Variants in FAM193A observed in about 807,000 individuals in gnomAD.
FAM193A encodes protein FAM193A.
In FAM193A, 22 loss-of-function variants were observed where a neutral mutation model predicts 126.5. That is an observed-to-expected ratio of 0.17 (90% CI 0.12 to 0.25). The LOEUF (loss-of-function observed/expected upper bound fraction) is 0.25, where lower values mean the gene tolerates loss of function less well. Ranked by LOEUF, FAM193A falls within the 10% of genes least tolerant of loss-of-function variation. The pLI, the probability that FAM193A is intolerant of heterozygous loss-of-function variation, is 1.00. For missense variants in FAM193A, 1,675 were observed against 1,672.8 expected (o/e 1.00, Z -0.02); for synonymous variants, 761 against 646.8 (o/e 1.18, Z -2.68).
rs918480675 is a variant in FAM193A at position 2,596,216 on chromosome 4, C to G, written c.388C>G (p.Leu130Val). The G allele has an allele frequency of 3.8e-5, 27 of 702,898 alleles. No individual in the cohort carries two copies. In the African/African-American group the frequency reaches 4.7e-4, roughly 12 times the overall value. 43.5% of individuals were successfully genotyped at this position (702,898 alleles called of 1,614,324 possible). ...AATTAAGACTGCGAGCAAATTGGCCCTTTCCATGGCTCCCAAGGGCAACAG... is the reference window on the plus strand; with the variant it reads ...AATTAAGACTGCGAGCAAATTGGCCGTTTCCATGGCTCCCAAGGGCAACAG... ...SGIKTASKLA[L>V]SMAPKGNSVL... Residue 130 changes from leucine (L) to valine (V), a missense_variant, in exon 2 of 21, where the codon CTT becomes GTT. Coordinates refer to ENST00000637812, the MANE Select transcript of FAM193A (RefSeq NM_001366318.2).
chr4:2,554,921 A>G (rs1255448686), intron 1 of FAM193A, among the ~76,000 whole-genome samples: 1 of 152,032 alleles, frequency 6.6e-6, no homozygotes, highest in Non-Finnish European at 1.5e-5. Context: ...TTGGCATGTT[A>G]TATTTTTTCT....
chr4:2,558,407 G>C (rs778491082), intron 1 of FAM193A, among the ~76,000 whole-genome samples: 1 of 152,188 alleles, frequency 6.6e-6, no homozygotes, highest in Non-Finnish European at 1.5e-5. Flanking sequence ...ACTAGTTAGA[G>C]TACAGTCCCT....
At chr4:2,618,571 G>A (rs1248305677) in intron 2 of FAM193A, among the ~76,000 whole-genome samples, 1 of 147,382 alleles carries the variant, frequency 6.8e-6, no homozygotes. Context: ...GGGATTATAG[G>A]TGCCCGCCAC....
At chr4:2,621,069 G>C (rs767361651) in intron 2 of FAM193A, among the ~76,000 whole-genome samples, 5 of 152,024 alleles carry the variant, frequency 3.3e-5, no homozygotes, top group Non-Finnish European at 7.4e-5. Flanking sequence ...TGCAGGCTGG[G>C]ACTGAGTGCT....
At chr4:2,702,288 G>A (rs904318221) in intron 19 of FAM193A, among the ~76,000 whole-genome samples, 7 of 152,076 alleles carry the variant, frequency 4.6e-5, no homozygotes, top group African/African-American at 1.2e-4. Context: ...GAGCCCCCTC[G>A]GAATGGCTTT....
intron 1 of FAM193A, among the ~76,000 whole-genome samples, chr4:2,568,754 G>A (rs1739114714): frequency 1.3e-5 from 2 of 152,166 alleles, no homozygotes; most frequent in African/African-American, 4.8e-5. Context: ...ATAAATCTTA[G>A]TAACGATTGC....
At chr4:2,693,449 A>G (rs1716640108) in intron 15 of FAM193A, 137 bp from the exon 16 acceptor site, 1 of 850,036 alleles carries the variant, frequency 1.2e-6, no homozygotes, top group Non-Finnish European at 1.9e-6. Flanking sequence ...GTTTATAAAT[A>G]TGACAGAATA....
At chr4:2,672,463 A>C in intron 13 of FAM193A, 91 bp downstream of exon 13, 26 of 1,402,718 alleles carry the variant, frequency 1.9e-5, no homozygotes, top group Non-Finnish European at 2.5e-5. Context: ...TGAATTAGCA[A>C]CTTGCATAGG....
At chr4:2,698,900 A>G (rs1717343743) in intron 18 of FAM193A, among the ~76,000 whole-genome samples, 1 of 152,180 alleles carries the variant, frequency 6.6e-6, no homozygotes, top group South Asian at 2.1e-4. Flanking sequence ...ACTTCTGTTT[A>G]TCTGCTAGGG....
At chr4:2,679,383 T>C (rs1293744088) in intron 13 of FAM193A, among the ~76,000 whole-genome samples, 7 of 125,900 alleles carry the variant, frequency 5.6e-5, no homozygotes, top group Admixed American at 1.5e-4. Context: ...TTCTTTTTTT[T>C]TTTTTTTTTT....
intron 1 of FAM193A, among the ~76,000 whole-genome samples, chr4:2,555,174 C>T (rs35312973): frequency 0.032 from 4,880 of 152,112 alleles, 92 homozygotes; most frequent in South Asian, 0.074. Flanking sequence ...ACTTTTTGAC[C>T]TTGTAGGCTT....
intron 20 of FAM193A, among the ~76,000 whole-genome samples, chr4:2,722,004 A>C (rs1224720301): frequency 2.0e-5 from 3 of 152,254 alleles, no homozygotes; most frequent in Non-Finnish European, 4.4e-5. Context: ...ATATGAGGCC[A>C]CACAGCACAA....
At chr4:2,694,668 C>A (rs1716831003) in intron 16 of FAM193A, among the ~76,000 whole-genome samples, 1 of 152,188 alleles carries the variant, frequency 6.6e-6, no homozygotes, top group Non-Finnish European at 1.5e-5. Flanking sequence ...GTGGCAGGGG[C>A]AGTCTCAGAA....
chr4:2,685,416 A>G (rs893258101), intron 13 of FAM193A, among the ~76,000 whole-genome samples: 1 of 152,244 alleles, frequency 6.6e-6, no homozygotes, highest in Non-Finnish European at 1.5e-5. Flanking sequence ...AGGTAAAGCT[A>G]TGTGGATAAT....
At chr4:2,668,507 G>A (rs902571800) in intron 12 of FAM193A, among the ~76,000 whole-genome samples, 2 of 152,052 alleles carry the variant, frequency 1.3e-5, no homozygotes, top group East Asian at 1.9e-4. Context: ...CACCACGCCC[G>A]CCCACAATAT....
chr4:2,701,033 G>A (rs1040575953), intron 19 of FAM193A, among the ~76,000 whole-genome samples: 15 of 150,270 alleles, frequency 1.0e-4, no homozygotes, highest in African/African-American at 3.7e-4. Flanking sequence ...CCCAACATCA[G>A]TATTTCCCAT....
At chr4:2,668,957 C>G (rs1713472851) in intron 12 of FAM193A, among the ~76,000 whole-genome samples, 1 of 152,130 alleles carries the variant, frequency 6.6e-6, no homozygotes, top group Non-Finnish European at 1.5e-5. Context: ...GTTCTCCTGC[C>G]TCAGCCACCT....
chr4:2,630,932 C>T lies in FAM193A; in HGVS notation c.804-3C>T, dbSNP rs1401117807. 2.6e-6 allele frequency: 4 copies of T among 1,549,056 alleles called. No individual in the cohort carries two copies. The South Asian group carries it at 4.5e-5, about 17-fold the overall frequency. ...GGCCCTGGTGACCCTCTTCTCTGTG[C>T]AGGCTCTGCGAGAGGGACCCCTACC... On this transcript the variant is annotated splice_polypyrimidine_tract_variant and splice_region_variant and intron_variant, in intron 4 of 20. Transcript: ENST00000637812.
At chr4:2,600,278 C>T (rs1368882595) in intron 2 of FAM193A, among the ~76,000 whole-genome samples, 1 of 152,210 alleles carries the variant, frequency 6.6e-6, no homozygotes, top group African/African-American at 2.4e-5. Context: ...TCCCCGACCT[C>T]ACTCCTAGGA....
Sources: allele counts gnomAD v4.1 joint callset (sites outside exome capture counted in the v4.1 genomes callset), GRCh38; gene constraint gnomAD v4.1.1; transcripts MANE v1.5; gene names NCBI Gene and HGNC (gene_info 2026-07-23, HGNC 2026-07-21).